Variants in SPTBN1 observed in about 807,000 individuals in gnomAD.
The protein encoded by SPTBN1 is spectrin beta, non-erythrocytic 1, also known as spectrin beta chain, non-erythrocytic 1.
SPTBN1 carries 32 observed loss-of-function variants against 266.4 expected under a neutral mutation model. The ratio of observed to expected loss-of-function variants is 0.12; its 90% CI spans 0.09 to 0.16. The LOEUF (loss-of-function observed/expected upper bound fraction) is 0.16. Among genes scored for constraint, SPTBN1 ranks in the 10% least tolerant of loss-of-function variants. SPTBN1 has a pLI of 1.00. For synonymous variants in SPTBN1, 1,336 were observed against 1,162.2 expected (o/e 1.15, Z -3.04); for missense variants, 2,296 against 3,067.1 (o/e 0.75, Z 5.94).
chr2:54,646,083 T>C lies in SPTBN1; in HGVS notation c.4584+66T>C. The C allele has an allele frequency of 6.2e-7, 1 of 1,611,660 alleles. No individual in the cohort carries two copies. Among genetic ancestry groups the C allele is most frequent in the Non-Finnish European group, 8.5e-7 (1 of 1,178,260 alleles). ...TTGCTCTAAATTATGAGACTGGGAA[T>C]GGCAGAGAGCTTTGAAGCCTTGCTA... On this transcript the variant is annotated intron_variant, in intron 22 of 35. Coordinates refer to ENST00000356805, the MANE Select transcript of SPTBN1 (RefSeq NM_003128.3). This position sits in a 1 kb window ranked among gnomAD's most constrained non-coding sequence, Gnocchi z 4.4.
At chr2:54,665,849 T>C in intron 33 of SPTBN1, 66 bp from the exon 34 acceptor site, 1 of 1,518,628 alleles carries the variant, frequency 6.6e-7, no homozygotes, top group Non-Finnish European at 8.9e-7. Context: ...AATGAAATGT[T>C]TAGTTCTTTA....
chr2:54,644,045 G>A (rs1011570481), intron 19 of SPTBN1, among the ~76,000 whole-genome samples: 1 of 152,096 alleles, frequency 6.6e-6, no homozygotes, highest in Non-Finnish European at 1.5e-5. Flanking sequence ...ATGGAATGGA[G>A]GAGATAAAGT....
intron 2 of SPTBN1, chr2:54,529,463 A>T (rs746467629): frequency 5.6e-6 from 4 of 713,390 alleles, no homozygotes; most frequent in South Asian, 5.4e-5. Flanking sequence ...AAAAAAGAAG[A>T]TCCGCATGTC....
Position 54,626,248 on chromosome 2 carries a change from G to C in SPTBN1, c.1644+14G>C. On this transcript the variant is annotated intron_variant, in intron 12 of 35. Transcript: ENST00000356805. The surrounding 1 kb of genome is among the most constrained non-coding windows in gnomAD (Gnocchi z 4.7). ...GATGAAATGAAGGTAAAACCTGACC[G>C]AAAGGAAGGACGACAGAGCTGATCC... The C allele has an allele frequency of 1.2e-6, 2 of 1,607,190 alleles. No homozygotes were observed. The highest frequency in any genetic ancestry group is 1.7e-6 in the Non-Finnish European group (2 of 1,175,206).
In SPTBN1 at chr2:54,629,900, G is replaced by A. The variant is rs1200491301; in HGVS notation, c.2678G>A (p.Ser893Asn). The change falls in exon 15 of 36, where the codon AGC becomes AAC. Residue 893 changes from serine to asparagine, a missense_variant. This residue lies in a region of SPTBN1 where 434 missense variants were observed against 573.9 expected (regional missense o/e 0.76). Transcript: ENST00000356805. ...DLEVIQHRFE[S>N]LEPEMNNQAS... ...TCAAATTGCCATTTCAGATTTGAGAGCCTAGAACCAGAAATGAACAACCAG... is the reference window on the plus strand; with the variant it reads ...TCAAATTGCCATTTCAGATTTGAGAACCTAGAACCAGAAATGAACAACCAG... The A allele has an allele frequency of 6.2e-6, 10 of 1,614,062 alleles. No homozygotes were observed. The highest frequency in any genetic ancestry group is 1.3e-5 in the African/African-American group (1 of 75,064).
intron 2 of SPTBN1, among the ~76,000 whole-genome samples, chr2:54,579,374 C>T (rs1303670645): frequency 1.3e-5 from 2 of 152,084 alleles, no homozygotes; most frequent in Non-Finnish European, 2.9e-5. Flanking sequence ...TCATGTGTGA[C>T]CATTATTTGG....
chr2:54,619,777 GA>G (rs1677872220), intron 7 of SPTBN1, among the ~76,000 whole-genome samples: 1 of 152,132 alleles, frequency 6.6e-6, no homozygotes, highest in Non-Finnish European at 1.5e-5. Flanking sequence ...GCGGACACAG[GA>G]GCCCTGGGGT....
At chr2:54,526,639 G>C (rs189318039) in intron 2 of SPTBN1, 73 bp downstream of exon 2, 1 of 1,518,432 alleles carries the variant, frequency 6.6e-7, no homozygotes, top group Non-Finnish European at 8.9e-7. Flanking sequence ...CATCCACCCT[G>C]TTCCCATGAC....
intron 19 of SPTBN1, 38 bp downstream of exon 19, chr2:54,643,167 C>T: frequency 6.2e-7 from 1 of 1,612,036 alleles, no homozygotes; most frequent in East Asian, 2.2e-5. Context: ...GGTGAGAAAA[C>T]AAACAGGGTA....
chr2:54,547,926 G>A (rs1454720804), intron 2 of SPTBN1, among the ~76,000 whole-genome samples: 2 of 152,004 alleles, frequency 1.3e-5, no homozygotes, highest in Non-Finnish European at 2.9e-5. Context: ...GGCAGATCAC[G>A]AGGTCAGGAG....
chr2:54,634,650 A>G (rs1678988877), intron 17 of SPTBN1, among the ~76,000 whole-genome samples: 3 of 152,234 alleles, frequency 2.0e-5, no homozygotes, highest in Admixed American at 6.5e-5. Context: ...CAGGTGCTGT[A>G]GGAGCACAAA....
At chr2:54,557,619 C>G in intron 2 of SPTBN1, 5 of 687,182 alleles carry the variant, frequency 7.3e-6, no homozygotes, top group Non-Finnish European at 9.0e-6. Context: ...CCCTCATCTC[C>G]CCTCCGGATC....
intron 2 of SPTBN1, among the ~76,000 whole-genome samples, chr2:54,594,317 C>T (rs909742131): frequency 3.3e-5 from 5 of 150,102 alleles, no homozygotes; most frequent in African/African-American, 9.9e-5. Flanking sequence ...GACAACAGAA[C>T]GAAAATATTT....
At chr2:54,596,214 C>G (rs977451163) in intron 2 of SPTBN1, among the ~76,000 whole-genome samples, 1 of 152,152 alleles carries the variant, frequency 6.6e-6, no homozygotes, top group African/African-American at 2.4e-5. Flanking sequence ...GACTGTCTGG[C>G]CCATATCCCC....
intron 3 of SPTBN1, among the ~76,000 whole-genome samples, chr2:54,601,596 G>A (rs936466650): frequency 6.6e-6 from 1 of 152,194 alleles, no homozygotes; most frequent in Non-Finnish European, 1.5e-5. Context: ...GATAACATTA[G>A]CTGGGCTTTC....
intron 2 of SPTBN1, among the ~76,000 whole-genome samples, chr2:54,573,348 A>G (rs1019654267): frequency 1.3e-5 from 2 of 152,204 alleles, no homozygotes; most frequent in Non-Finnish European, 2.9e-5. Context: ...TTAGATTCTT[A>G]TTAAGGAGTG....
chr2:54,648,183 C>G (rs936784214), intron 24 of SPTBN1, among the ~76,000 whole-genome samples: 5 of 152,096 alleles, frequency 3.3e-5, no homozygotes, highest in African/African-American at 1.2e-4. Flanking sequence ...AAGGAATTGG[C>G]CTTGTGCATT....
chr2:54,460,963 C>G (rs4671935), intron 1 of SPTBN1, among the ~76,000 whole-genome samples: 68,483 of 152,034 alleles, frequency 0.45, 16,810 homozygotes, highest in African/African-American at 0.63. Flanking sequence ...GATCGCGCCA[C>G]TGCATTCCAA....
intron 4 of SPTBN1, among the ~76,000 whole-genome samples, chr2:54,614,863 A>G (rs1677491975): frequency 1.3e-5 from 2 of 152,154 alleles, no homozygotes; most frequent in Admixed American, 6.6e-5. Context: ...CCTAGTTTAA[A>G]TAGGGAGCTG....
Sources: allele counts gnomAD v4.1 joint callset (sites outside exome capture counted in the v4.1 genomes callset), GRCh38; gene constraint gnomAD v4.1.1; regional missense constraint gnomAD v4.1.1; non-coding constraint Gnocchi (gnomAD v3.1); transcripts MANE v1.5; gene names NCBI Gene and HGNC (gene_info 2026-07-23, HGNC 2026-07-21).